The following BMS1 variants were observed in gnomAD, a reference collection of about 807,000 sequenced individuals.
BMS1 encodes the protein ribosome biogenesis protein BMS1 homolog.
BMS1 carries 53 observed loss-of-function variants against 138.7 expected under a neutral mutation model. That is an observed-to-expected ratio of 0.38 (90% confidence interval 0.31 to 0.48). BMS1 has a LOEUF of 0.48. BMS1 is among the 20% of genes least tolerant of loss of function. The pLI, the probability that BMS1 is intolerant of heterozygous loss-of-function variation, is 0.97. For synonymous variants in BMS1, 504 were observed against 539.9 expected (o/e 0.93, Z 0.92); for missense variants, 1,360 against 1,565.5 (o/e 0.87, Z 2.22).
rs145579069 is a variant in BMS1, at chr10:42,792,959, G to A, written c.904G>A (p.Val302Ile). ...GGCTTTTGGGTTCTGTCTTCCAGGG[G>A]TAGGAGATTTTGCCGTGAGTGACAT... ...KNKSQIHMPGVGDFAVSDISF... is the reference protein window; with the variant it reads ...KNKSQIHMPGIGDFAVSDISF... The change falls in exon 8 of 23, where the codon GTA becomes ATA. Residue 302 changes from valine to isoleucine, a missense_variant and splice_region_variant. Coordinates refer to ENST00000374518, the MANE Select transcript of BMS1 (RefSeq NM_014753.4). 6 of 1,610,432 alleles carry A rather than the reference G, an allele frequency of 3.7e-6. No homozygotes were observed. In the African/African-American group the frequency reaches 6.7e-5, roughly 18 times the overall value.
intron 13 of BMS1, among the ~76,000 whole-genome samples, chr10:42,811,542 T>TTTTTTTG (rs1842180968): frequency 7.4e-6 from 1 of 134,972 alleles, no homozygotes; most frequent in African/African-American, 2.9e-5. Context: ...TTTTTTTTTT[T>TTTTTTTG]GAGACGGAGT....
chr10:42,825,088 A>C (rs1402018693), intron 21 of BMS1, among the ~76,000 whole-genome samples: 1 of 152,050 alleles, frequency 6.6e-6, no homozygotes, highest in African/African-American at 2.4e-5. Flanking sequence ...GGCTCACTGA[A>C]ACCTCTGCCT....
At position 42,831,159 on chromosome 10, in the gene BMS1, T is replaced by C; in HGVS notation, c.*63T>C. On this transcript the variant is annotated 3_prime_UTR_variant, in exon 23 of 23. Coordinates refer to ENST00000374518, the MANE Select transcript of BMS1 (RefSeq NM_014753.4). ...GGTAGACAGTTTCAAACATCACAGT[T>C]TGAATGCCTGTGAATGACAAGTCAG... 1 of 1,455,794 alleles carries C rather than the reference T, an allele frequency of 6.9e-7. No individual in the cohort carries two copies. Among genetic ancestry groups the C allele is most frequent in the Non-Finnish European group, 9.3e-7 (1 of 1,079,568 alleles). 90.2% of individuals were successfully genotyped at this position (1,455,794 alleles called of 1,614,324 possible).
chr10:42,820,142 T>G, intron 15 of BMS1, 94 bp from the exon 16 acceptor site: 9 of 1,462,554 alleles, frequency 6.2e-6, no homozygotes, highest in Non-Finnish European at 7.4e-6. Flanking sequence ...CTGTCCACAG[T>G]TCCTTTACTT....
At chr10:42,783,834 T>C (rs1266957906) in intron 1 of BMS1, among the ~76,000 whole-genome samples, 2 of 152,220 alleles carry the variant, frequency 1.3e-5, no homozygotes, top group Admixed American at 6.5e-5. Context: ...ACTGCGATCA[T>C]ATTGGAGGTT....
At chr10:42,795,664 T>G (rs1841661821) in intron 9 of BMS1, among the ~76,000 whole-genome samples, 1 of 152,096 alleles carries the variant, frequency 6.6e-6, no homozygotes, top group African/African-American at 2.4e-5. Flanking sequence ...ATGGTATGAT[T>G]TTCAGTTTTT....
At chr10:42,817,025 T>C (rs770843652) in intron 14 of BMS1, among the ~76,000 whole-genome samples, 2 of 152,208 alleles carry the variant, frequency 1.3e-5, no homozygotes, top group Admixed American at 1.3e-4. Flanking sequence ...AGTATTTCTT[T>C]AGAACAGGGT....
Position 42,823,685 on chromosome 10 carries a change from A to G in BMS1, c.3357A>G (p.Pro1119=). 1 of 1,596,194 alleles carries G rather than the reference A, an allele frequency of 6.3e-7. No individual in the cohort carries two copies. The change falls in exon 21 of 23, where the codon CCA becomes CCG. Residue 1119 remains proline (P), a synonymous_variant. Transcript: ENST00000374518. The stretch of plus-strand genomic sequence containing the variant: ...ACCCAGTAACATCTTTGTTGAAACC[A>G]GTGGGTGAGAAAGACACCTGGTCAG... ...FYNPVTSLLK[P]VGEKDTWSGM...
chr10:42,791,474 A>G (rs1841503017), intron 5 of BMS1, among the ~76,000 whole-genome samples, 153 bp from the exon 6 acceptor site: 1 of 152,176 alleles, frequency 6.6e-6, no homozygotes, highest in Non-Finnish European at 1.5e-5. Context: ...ATAAATCCTG[A>G]AAGAAGCCAG....
chr10:42,799,364 C>A (rs919663192), intron 12 of BMS1, among the ~76,000 whole-genome samples: 4 of 152,188 alleles, frequency 2.6e-5, no homozygotes, highest in Non-Finnish European at 5.9e-5. Flanking sequence ...CTTGGAACTT[C>A]CCAGAGTGCT....
At chr10:42,784,013 C>T (rs1841245124) in intron 1 of BMS1, among the ~76,000 whole-genome samples, 1 of 152,028 alleles carries the variant, frequency 6.6e-6, no homozygotes, top group South Asian at 2.1e-4. Flanking sequence ...TTCAGTTTCC[C>T]TAAGTATATT....
Position 42,797,192 on chromosome 10 carries a change from G to A in BMS1, c.1948G>A (p.Asp650Asn), listed in dbSNP as rs752530743. The A allele has an allele frequency of 2.5e-6, 4 of 1,609,180 alleles. No homozygotes were observed. The highest frequency in any genetic ancestry group is 3.4e-6 in the Non-Finnish European group (4 of 1,178,444). Residue 650 changes from aspartate (D) to asparagine (N), a missense_variant, in exon 10 of 23, where the codon GAT becomes AAT. Asp to Asn is a conservative substitution (Grantham distance 23). This residue lies in a region of BMS1 where 697 missense variants were observed against 686.2 expected (regional missense o/e 1.02). Coordinates refer to ENST00000374518, the MANE Select transcript of BMS1 (RefSeq NM_014753.4). Reference protein sequence around the residue: ...DIENLLKEEEDYKEENNDSKE... With the variant: ...DIENLLKEEENYKEENNDSKE... ...AGAAAATTTACTCAAAGAGGAAGAA[G>A]ATTACAAGGAAGAAAATAATGATTC...
intron 13 of BMS1, among the ~76,000 whole-genome samples, chr10:42,808,896 C>A (rs1044193294): frequency 2.0e-5 from 3 of 152,164 alleles, no homozygotes; most frequent in Admixed American, 1.3e-4. Flanking sequence ...TTGCTGTCTA[C>A]GTTCCTGTAG....
chr10:42,797,076 A>C lies in BMS1; in HGVS notation c.1832A>C (p.Glu611Ala), dbSNP rs754896270. 8 of 1,614,210 alleles carry C rather than the reference A, an allele frequency of 5.0e-6. No homozygotes were observed. The South Asian group carries it at 7.7e-5, about 16-fold the overall frequency. The change falls in exon 10 of 23, where the codon GAG (glutamate) becomes GCG (alanine). Residue 611 changes from glutamate to alanine, a missense_variant. Around this residue, in one of 3 missense-constraint regions of BMS1, gnomAD observed 697 missense variants for 686.2 expected, o/e 1.02. Transcript: ENST00000374518. The stretch of plus-strand genomic sequence containing the variant: ...GAGGAAGAAGACTCAGAAAATGAAG[A>C]GGCTATTAGAAAAAAGCTTTCAAAG... ...SAEEEDSENE[E>A]AIRKKLSKPS...
Position 42,830,860 on chromosome 10 carries a change from T to A in BMS1, c.3619-6T>A, listed in dbSNP as rs768366194. 6.2e-7 allele frequency: 1 copy of A among 1,606,514 alleles called. No homozygotes were observed. Among genetic ancestry groups the A allele is most frequent in the Non-Finnish European group, 8.5e-7 (1 of 1,176,314 alleles). On this transcript the variant is annotated splice_polypyrimidine_tract_variant and splice_region_variant and intron_variant, in intron 22 of 22. Transcript: ENST00000374518. ...TCTGATACTCACCGGCTTTTGTCCT[T>A]GTCAGATCCTTGCACTGCTGGATGC...
In BMS1 at chr10:42,832,215, AG is replaced by A. The variant is rs1842813914; in HGVS notation, c.*1121del. On this transcript the variant is annotated 3_prime_UTR_variant, in exon 23 of 23. Coordinates refer to ENST00000374518, the MANE Select transcript of BMS1 (RefSeq NM_014753.4). The stretch of plus-strand genomic sequence containing the variant: ...TAAGGCAGGAGGATCACTTGAGCCC[AG>A]GAATTTGAGACCAACTTGGGCAACA... 6.6e-6 allele frequency: 1 copy of A among 152,200 alleles called. No individual in the cohort carries two copies. Among genetic ancestry groups the A allele is most frequent in the Non-Finnish European group, 1.5e-5 (1 of 68,054 alleles). The allele number at this position is 152,200 out of a possible 1,614,324, so 9.4% of individuals were successfully genotyped here.
rs575600946 is a variant in BMS1 at position 42,820,332 on chromosome 10, G to T, written c.2677G>T (p.Val893Phe). The change falls in exon 16 of 23, where the codon GTT becomes TTT. Residue 893 changes from valine to phenylalanine, a missense_variant. Physicochemically the swap from Val to Phe is conservative, Grantham distance 50. Coordinates refer to ENST00000374518, the MANE Select transcript of BMS1 (RefSeq NM_014753.4). Reference sequence around the variant, plus strand: ...GTACGTCCGCATTGAGATTGAAAATGTTCCCTGTGAATTTGTGCAGAACTT... The same window carrying T: ...GTACGTCCGCATTGAGATTGAAAATTTTCCCTGTGAATTTGTGCAGAACTT... ...GMYVRIEIEN[V>F]PCEFVQNFDP... 175 of 1,613,776 alleles carry T rather than the reference G, an allele frequency of 1.1e-4. 3 individuals carry two copies. The South Asian group carries it at 1.9e-3, about 17-fold the overall frequency.
intron 14 of BMS1, 39 bp from the exon 15 acceptor site, chr10:42,817,279 C>A: frequency 7.0e-7 from 1 of 1,438,422 alleles, no homozygotes; most frequent in Non-Finnish European, 9.4e-7. Context: ...AAAAGACCTT[C>A]ATAAACATAC....
Position 42,831,980 on chromosome 10 carries a change from TG to T in BMS1, c.*885del, listed in dbSNP as rs1204342207. ...ATGTAATCATAGATTCACATATAGT[TG>T]TATATTTTGCCCAATTTCTCTCAGT... On this transcript the variant is annotated 3_prime_UTR_variant, in exon 23 of 23. Transcript: ENST00000374518. 6.6e-6 allele frequency: 1 copy of T among 152,226 alleles called. No individual in the cohort carries two copies. The highest frequency in any genetic ancestry group is 1.5e-5 in the Non-Finnish European group (1 of 68,040). 9.4% of individuals were successfully genotyped at this position (152,226 alleles called of 1,614,324 possible).
Sources: allele counts gnomAD v4.1 joint callset (sites outside exome capture counted in the v4.1 genomes callset), GRCh38; gene constraint gnomAD v4.1.1; regional missense constraint gnomAD v4.1.1; transcripts MANE v1.5; gene names NCBI Gene and HGNC (gene_info 2026-07-23, HGNC 2026-07-21).